The following R3HDM2 variants were observed in gnomAD, a reference collection of about 807,000 sequenced individuals.
R3HDM2 encodes R3H domain containing 2, also known as R3H domain-containing protein 2.
R3HDM2 carries 38 observed loss-of-function variants against 124.5 expected under a neutral mutation model. The ratio of observed to expected loss-of-function variants is 0.31; its 90% CI spans 0.24 to 0.40. The LOEUF (loss-of-function observed/expected upper bound fraction) is 0.40. Among genes scored for constraint, R3HDM2 ranks in the 10% least tolerant of loss-of-function variants. The pLI is 1.00. For synonymous variants in R3HDM2, 391 were observed against 448.0 expected (o/e 0.87, Z 1.61); for missense variants, 869 against 1,236.9 (o/e 0.70, Z 4.46).
chr12:57,275,510 A>G (rs1196714369), intron 14 of R3HDM2, among the ~76,000 whole-genome samples: 1 of 151,930 alleles, frequency 6.6e-6, no homozygotes, highest in Non-Finnish European at 1.5e-5. Flanking sequence ...GGAAAAAAAA[A>G]AAAAAAAACA....
intron 23 of R3HDM2, among the ~76,000 whole-genome samples, chr12:57,255,401 C>A (rs966187511): frequency 1.3e-5 from 2 of 152,202 alleles, no homozygotes; most frequent in Non-Finnish European, 2.9e-5. Flanking sequence ...TACCTCAGTT[C>A]TCTCACAAGG....
At chr12:57,316,767 T>C (rs538485552) in intron 2 of R3HDM2, among the ~76,000 whole-genome samples, 168 of 151,326 alleles carry the variant, frequency 1.1e-3, no homozygotes, top group African/African-American at 3.9e-3. Context: ...TTTTTTTTTT[T>C]TACATGGAGT....
Position 57,305,359 on chromosome 12 carries a change from T to C in R3HDM2, c.166-2142A>G, listed in dbSNP as rs530944253. Among the ~76,000 whole-genome samples, 3 of 152,256 alleles carry C rather than the reference T, an allele frequency of 2.0e-5. No individual in the cohort carries two copies. In the South Asian group the frequency reaches 6.2e-4, roughly 32 times the overall value. ...TTTACGAGTCTCTAATGTTTCACCA[T>C]TTAGGATGTTTCTGACCTTTTGTTA... On this transcript the variant is annotated intron_variant, in intron 3 of 23. Transcript: ENST00000402412.
intron 2 of R3HDM2, among the ~76,000 whole-genome samples, chr12:57,361,953 C>T (rs576355736): frequency 1.3e-5 from 2 of 152,154 alleles, no homozygotes; most frequent in Non-Finnish European, 2.9e-5. Context: ...GGCAACATGG[C>T]AAAACCCCGT....
intron 2 of R3HDM2, among the ~76,000 whole-genome samples, chr12:57,370,320 G>A (rs1212041157): frequency 6.6e-6 from 1 of 150,384 alleles, no homozygotes; most frequent in Non-Finnish European, 1.5e-5. Flanking sequence ...CCCCAGGCAC[G>A]CGGAACTTCC....
At chr12:57,383,839 A>G (rs1566431031) in intron 2 of R3HDM2, among the ~76,000 whole-genome samples, 2 of 152,224 alleles carry the variant, frequency 1.3e-5, no homozygotes, top group African/African-American at 2.4e-5. Context: ...CAATATGCAC[A>G]TTTGTTCTGG....
intron 8 of R3HDM2, chr12:57,297,102 T>C (rs2050059911): frequency 2.3e-6 from 1 of 434,120 alleles, no homozygotes; most frequent in East Asian, 4.3e-5. Flanking sequence ...TGGATGATGT[T>C]TGACAAAGAA....
chr12:57,272,134 G>C (rs1177071922), intron 14 of R3HDM2, among the ~76,000 whole-genome samples: 1 of 152,126 alleles, frequency 6.6e-6, no homozygotes, highest in Non-Finnish European at 1.5e-5. Flanking sequence ...GACATGCCTA[G>C]GGAGCAAATT....
chr12:57,397,379 C>T (rs2067653772), intron 1 of R3HDM2, among the ~76,000 whole-genome samples: 1 of 152,180 alleles, frequency 6.6e-6, no homozygotes, highest in Non-Finnish European at 1.5e-5. Context: ...CACCCAAGCC[C>T]TACTGTGTTC....
intron 2 of R3HDM2, among the ~76,000 whole-genome samples, chr12:57,334,732 T>C (rs375391230): frequency 1.5e-4 from 23 of 152,108 alleles, no homozygotes; most frequent in South Asian, 6.2e-4. Flanking sequence ...CCAGGATATA[T>C]TGAGGAATCA....
intron 2 of R3HDM2, among the ~76,000 whole-genome samples, chr12:57,367,342 G>GTAGCTAGTTAGTT (rs2137811687): frequency 6.6e-6 from 1 of 152,258 alleles, no homozygotes; most frequent in East Asian, 1.9e-4. Flanking sequence ...CTAAGTATTT[G>GTAGCTAGTTAGTT]AATTGTAGTT....
In R3HDM2 at chr12:57,360,006, A is replaced by AAT. The variant is rs1366274892; in HGVS notation, c.-36+35741_-36+35742dup. On this transcript the variant is annotated intron_variant, in intron 2 of 23. Transcript: ENST00000402412. ...ATTGTTTTCAGTAAATAAATAAATA[A>AAT]ATATATATATATATATACACACATA... 5.9e-3 allele frequency among the ~76,000 whole-genome samples: 693 copies of AAT among 117,650 alleles called. 6 individuals are homozygous for AAT. The highest frequency in any genetic ancestry group is 0.017 in the South Asian group (54 of 3,228). 77.2% of individuals were successfully genotyped at this position (117,650 alleles called of 152,430 possible).
intron 1 of R3HDM2, among the ~76,000 whole-genome samples, chr12:57,420,519 CTTTTTTT>C (rs759872645): frequency 4.8e-5 from 6 of 124,902 alleles, no homozygotes; most frequent in Non-Finnish European, 6.9e-5. Flanking sequence ...TACTGGTTTT[CTTTTTTT>C]TTTTTTTTTT....
intron 9 of R3HDM2, 78 bp from the exon 10 acceptor site, chr12:57,295,585 T>C: frequency 1.0e-6 from 1 of 953,658 alleles, no homozygotes; most frequent in Non-Finnish European, 1.6e-6. Flanking sequence ...TAGGTACAGC[T>C]CTCCTAAATT....
intron 20 of R3HDM2, among the ~76,000 whole-genome samples, chr12:57,258,368 T>A (rs1361085724): frequency 6.6e-6 from 1 of 151,224 alleles, no homozygotes; most frequent in Non-Finnish European, 1.5e-5. Flanking sequence ...TGAGATGGAG[T>A]CTTGCTCTAT....
intron 12 of R3HDM2, among the ~76,000 whole-genome samples, chr12:57,286,018 C>T (rs1191826981): frequency 6.6e-6 from 1 of 152,172 alleles, no homozygotes; most frequent in East Asian, 1.9e-4. Flanking sequence ...CTTGGAGAAT[C>T]TAAGTTGAGT....
chr12:57,267,023 T>A (rs1040353405), intron 18 of R3HDM2, 192 bp from the exon 19 acceptor site: 2 of 485,824 alleles, frequency 4.1e-6, no homozygotes, highest in Non-Finnish European at 7.5e-6. Flanking sequence ...TTGTACTTGA[T>A]CATCTTTCAA....
chr12:57,258,786 A>T, intron 20 of R3HDM2, 104 bp downstream of exon 20: 1 of 1,122,754 alleles, frequency 8.9e-7, no homozygotes, highest in Non-Finnish European at 1.2e-6. Context: ...GAAAGTACCC[A>T]GGAAAAGACA....
intron 3 of R3HDM2, 58 bp from the exon 4 acceptor site, chr12:57,303,275 A>T: frequency 7.3e-7 from 1 of 1,376,604 alleles, no homozygotes; most frequent in Middle Eastern, 1.8e-4. Context: ...TGTAAGTTAA[A>T]AACAATACAT....
Sources: allele counts gnomAD v4.1 joint callset (sites outside exome capture counted in the v4.1 genomes callset), GRCh38; gene constraint gnomAD v4.1.1; transcripts MANE v1.5; gene names NCBI Gene and HGNC (gene_info 2026-07-23, HGNC 2026-07-21).